Variants in SV2C observed in about 807,000 individuals in gnomAD.
SV2C encodes the protein synaptic vesicle glycoprotein 2C.
Under a neutral mutation model 79.7 loss-of-function variants are expected in SV2C, and 49 were observed. The ratio of observed to expected loss-of-function variants is 0.61; its 90% confidence interval spans 0.49 to 0.78. The LOEUF is 0.78. Ranked by LOEUF, SV2C falls within the 30% of genes least tolerant of loss-of-function variation. The probability of loss-of-function intolerance (pLI) is 0.00; values close to 1 mark genes in which losing one functional copy is unlikely to be tolerated. For synonymous variants in SV2C, 334 were observed against 333.2 expected (o/e 1.00, Z -0.03); for missense variants, 833 against 912.9 (o/e 0.91, Z 1.13).
At chr5:76,341,299 G>A (rs945252395) in intron 12 of SV2C, among the ~76,000 whole-genome samples, 1 of 152,098 alleles carries the variant, frequency 6.6e-6, no homozygotes, top group African/African-American at 2.4e-5. Flanking sequence ...AAACTCTAGG[G>A]GGCCAAGGCA....
chr5:76,073,505 A>ATGTGTATGTG, the SV2C span, among the ~76,000 whole-genome samples: 11 of 37,922 alleles, frequency 2.9e-4, no homozygotes, highest in African/African-American at 2.0e-3. Flanking sequence ...ATGTGTGTGT[A>ATGTGTATGTG]TATATATATA....
the SV2C span, chr5:75,910,736 A>G: frequency 7.3e-7 from 1 of 1,373,548 alleles, no homozygotes; most frequent in Non-Finnish European, 1.0e-6. Context: ...TGAAGATCTG[A>G]ACCAAAAACT....
chr5:76,255,998 T>C (rs922735380), intron 4 of SV2C, among the ~76,000 whole-genome samples: 1 of 152,186 alleles, frequency 6.6e-6, no homozygotes, highest in Admixed American at 6.5e-5. Flanking sequence ...GAATGCAAAA[T>C]ATGTGCTAGG....
At chr5:75,894,080 A>G in the SV2C span, among the ~76,000 whole-genome samples, 1 of 152,008 alleles carries the variant, frequency 6.6e-6, no homozygotes, top group African/African-American at 2.4e-5. Flanking sequence ...GCGAGGGAGG[A>G]CATCATTAGA....
At chr5:76,298,574 C>T (rs1747857712) in intron 9 of SV2C, among the ~76,000 whole-genome samples, 1 of 152,034 alleles carries the variant, frequency 6.6e-6, no homozygotes, top group African/African-American at 2.4e-5. Flanking sequence ...ATCTCTTTTC[C>T]TGGTGAAAAA....
chr5:76,148,802 A>T (rs1479461933), intron 2 of SV2C, among the ~76,000 whole-genome samples: 2 of 152,150 alleles, frequency 1.3e-5, no homozygotes, highest in African/African-American at 2.4e-5. Context: ...TTGTCCCCAC[A>T]GCCTACTTGC....
At position 76,132,033 on chromosome 5, in the gene SV2C, G is replaced by T. The variant is rs776285291; in HGVS notation, c.283G>T (p.Gly95Cys). Residue 95 changes from glycine (G) to cysteine (C), a missense_variant, in exon 2 of 13, where the codon GGC (glycine) becomes TGC (cysteine). By Grantham distance (159) the Gly-to-Cys change is radical (BLOSUM62 -3). Coordinates refer to ENST00000502798, the MANE Select transcript of SV2C (RefSeq NM_014979.4). ...DDEIYEGEYQ[G>C]IPSMNQAKDS... ...TGAGATCTATGAGGGGGAGTATCAG[G>T]GCATCCCCAGTATGAACCAAGCGAA... 1 of 1,612,516 alleles carries T rather than the reference G, an allele frequency of 6.2e-7. No individual in the cohort carries two copies. The highest frequency in any genetic ancestry group is 8.5e-7 in the Non-Finnish European group (1 of 1,179,210).
At chr5:75,921,296 G>A in the SV2C span, 1 of 1,477,810 alleles carries the variant, frequency 6.8e-7, no homozygotes, top group South Asian at 1.1e-5. Flanking sequence ...CTTGTCAAAA[G>A]GCTCCACGAG....
intron 1 of SV2C, among the ~76,000 whole-genome samples, chr5:76,126,015 C>T (rs1298986686): frequency 6.6e-6 from 1 of 152,130 alleles, no homozygotes; most frequent in Non-Finnish European, 1.5e-5. Context: ...CATGATCATG[C>T]CACTGCTGCC....
intron 1 of SV2C, among the ~76,000 whole-genome samples, chr5:76,117,550 C>A (rs1288002115): frequency 6.6e-6 from 1 of 152,008 alleles, no homozygotes; most frequent in Non-Finnish European, 1.5e-5. Context: ...AGGATACATG[C>A]ACTGAGATTA....
At chr5:76,000,594 A>G in the SV2C span, among the ~76,000 whole-genome samples, 1 of 152,178 alleles carries the variant, frequency 6.6e-6, no homozygotes, top group African/African-American at 2.4e-5. Context: ...CCGCACCAAA[A>G]TTACCTATAA....
intron 2 of SV2C, among the ~76,000 whole-genome samples, chr5:76,152,966 C>T (rs1312347962): frequency 2.6e-5 from 4 of 152,184 alleles, no homozygotes; most frequent in Non-Finnish European, 2.9e-5. Flanking sequence ...CCATTATTTC[C>T]TCCTTAAAGA....
At chr5:76,230,446 T>C (rs1745378043) in intron 4 of SV2C, among the ~76,000 whole-genome samples, 1 of 152,184 alleles carries the variant, frequency 6.6e-6, no homozygotes, top group South Asian at 2.1e-4. Context: ...AAGAGTTTCA[T>C]TGGAGTTCAT....
chr5:75,959,861 A>G, the SV2C span, among the ~76,000 whole-genome samples: 1 of 152,020 alleles, frequency 6.6e-6, no homozygotes, highest in African/African-American at 2.4e-5. Context: ...CAAAGAAATG[A>G]GAAAGTATAC....
At chr5:75,957,272 G>T in the SV2C span, among the ~76,000 whole-genome samples, 1 of 151,852 alleles carries the variant, frequency 6.6e-6, no homozygotes, top group Non-Finnish European at 1.5e-5. Flanking sequence ...AAGACATAAG[G>T]GATACAGAAA....
chr5:76,103,067 A>G (rs771302314), intron 1 of SV2C, among the ~76,000 whole-genome samples: 6 of 152,214 alleles, frequency 3.9e-5, no homozygotes, highest in Non-Finnish European at 8.8e-5. Flanking sequence ...GTATCAGTCC[A>G]TAAGACCATA....
intron 12 of SV2C, chr5:76,353,115 A>ATTTT: frequency 2.7e-6 from 1 of 369,744 alleles, no homozygotes; most frequent in Non-Finnish European, 5.8e-6. Flanking sequence ...TAATTTTTTA[A>ATTTT]TTTTTTTTTT....
intron 12 of SV2C, among the ~76,000 whole-genome samples, chr5:76,304,333 G>T (rs1748114945): frequency 6.6e-6 from 1 of 152,176 alleles, no homozygotes; most frequent in African/African-American, 2.4e-5. Flanking sequence ...AATATTTCAG[G>T]CTAAAACCTC....
At chr5:76,008,266 T>C in the SV2C span, among the ~76,000 whole-genome samples, 2 of 152,198 alleles carry the variant, frequency 1.3e-5, no homozygotes, top group South Asian at 2.1e-4. Flanking sequence ...AACACTTGTC[T>C]GTCTCAGCAG....
Sources: allele counts gnomAD v4.1 joint callset (sites outside exome capture counted in the v4.1 genomes callset), GRCh38; gene constraint gnomAD v4.1.1; transcripts MANE v1.5; gene names NCBI Gene and HGNC (gene_info 2026-07-23, HGNC 2026-07-21).